RPTOR: variants seen among roughly 807,000 people sequenced by gnomAD.
RPTOR encodes regulatory associated protein of MTOR complex 1.
In RPTOR, 21 loss-of-function variants were observed where a neutral mutation model predicts 169.9. The observed-to-expected ratio is 0.12, with a 90% CI of 0.09 to 0.18. The LOEUF (loss-of-function observed/expected upper bound fraction) is 0.18. RPTOR is among the 10% of genes least tolerant of loss of function. The pLI is 1.00. For synonymous variants in RPTOR, 732 were observed against 753.2 expected (o/e 0.97, Z 0.46); for missense variants, 1,133 against 1,855.9 (o/e 0.61, Z 7.16).
At chr17:80,564,251 A>G (rs1486230996) in intron 1 of RPTOR, among the ~76,000 whole-genome samples, 3 of 151,894 alleles carry the variant, frequency 2.0e-5, no homozygotes, top group African/African-American at 7.3e-5. Flanking sequence ...TTTAGTAGAG[A>G]TGGGGTTTTA....
chr17:80,821,811 A>G (rs1474120760), intron 7 of RPTOR, among the ~76,000 whole-genome samples: 1 of 152,192 alleles, frequency 6.6e-6, no homozygotes, highest in Non-Finnish European at 1.5e-5. Context: ...GTGTACTTCC[A>G]CAGCGTTCGG....
chr17:80,627,915 C>G (rs544519303), intron 2 of RPTOR, among the ~76,000 whole-genome samples: 8 of 151,700 alleles, frequency 5.3e-5, no homozygotes, highest in Non-Finnish European at 1.2e-4. Context: ...CTTGGCTCAC[C>G]ACAACCTCTG....
intron 1 of RPTOR, among the ~76,000 whole-genome samples, chr17:80,608,041 GC>G (rs1274717332): frequency 1.3e-4 from 20 of 152,268 alleles, no homozygotes; most frequent in Middle Eastern, 6.8e-3. Flanking sequence ...ACGGTGTATT[GC>G]TAATGTTGGG....
At chr17:80,567,739 C>T (rs1486616587) in intron 1 of RPTOR, among the ~76,000 whole-genome samples, 1 of 151,100 alleles carries the variant, frequency 6.6e-6, no homozygotes, top group Non-Finnish European at 1.5e-5. Context: ...TTGCAGCGAG[C>T]CGAGATCGCG....
chr17:80,869,267 C>A (rs148598864), intron 13 of RPTOR, among the ~76,000 whole-genome samples: 1 of 152,140 alleles, frequency 6.6e-6, no homozygotes, highest in African/African-American at 2.4e-5. Flanking sequence ...TCAAGCGATT[C>A]TCCTGCCTCC....
intron 24 of RPTOR, among the ~76,000 whole-genome samples, chr17:80,935,093 C>T (rs1450027645): frequency 6.6e-6 from 1 of 151,110 alleles, no homozygotes; most frequent in African/African-American, 2.4e-5. Flanking sequence ...TGAAATTTAA[C>T]ATCAGTACCA....
intron 1 of RPTOR, among the ~76,000 whole-genome samples, chr17:80,560,719 G>T (rs560159670): frequency 1.7e-4 from 26 of 152,266 alleles, no homozygotes; most frequent in African/African-American, 5.5e-4. Context: ...ATGCCCACCC[G>T]GTGCTCTGTG....
chr17:80,677,886 T>C (rs2065871800), intron 3 of RPTOR, among the ~76,000 whole-genome samples: 1 of 152,222 alleles, frequency 6.6e-6, no homozygotes, highest in Non-Finnish European at 1.5e-5. Flanking sequence ...AGGATTGATA[T>C]CAGTATTGCT....
At position 80,745,575 on chromosome 17, in the gene RPTOR, G is replaced by C. The variant is rs532289241; in HGVS notation, c.655-8435G>C. 3.9e-5 allele frequency among the ~76,000 whole-genome samples: 6 copies of C among 152,306 alleles called. No homozygotes were observed. The South Asian group carries it at 1.2e-3, about 32-fold the overall frequency. ...GTACACTGTGTGTCACATGATAGATGCCACATTAATATCTTTGACTATTAA... is the reference window on the plus strand; with the variant it reads ...GTACACTGTGTGTCACATGATAGATCCCACATTAATATCTTTGACTATTAA... On this transcript the variant is annotated intron_variant, in intron 5 of 33. Coordinates refer to ENST00000306801, the MANE Select transcript of RPTOR (RefSeq NM_020761.3).
Position 80,885,067 on chromosome 17 carries a change from G to A in RPTOR, c.1902G>A (p.Thr634=), listed in dbSNP as rs754065670. The change falls in exon 17 of 34, where the codon ACG becomes ACA. Residue 634 remains threonine, a synonymous_variant. Transcript: ENST00000306801. ...TCGTGGGCAACTCTGCAGAGAGGAC[G>A]GACCACTCCACCACCATCGACCACA... ...GTFVGNSAER[T]DHSTTIDHNV... 28 of 1,606,872 alleles carry A rather than the reference G, an allele frequency of 1.7e-5. No homozygotes were observed. Among genetic ancestry groups the A allele is most frequent in the Non-Finnish European group, 2.2e-5 (26 of 1,177,552 alleles).
At chr17:80,790,691 G>A (rs780710754) in intron 6 of RPTOR, among the ~76,000 whole-genome samples, 2 of 152,172 alleles carry the variant, frequency 1.3e-5, no homozygotes, top group South Asian at 2.1e-4. Flanking sequence ...AACAGTCCGC[G>A]AGTGTGTTTT....
At chr17:80,647,777 C>G (rs1002988916) in intron 3 of RPTOR, among the ~76,000 whole-genome samples, 2 of 152,140 alleles carry the variant, frequency 1.3e-5, no homozygotes, top group Non-Finnish European at 2.9e-5. Context: ...TCATTCTCAT[C>G]TTGTCCAGGT....
chr17:80,869,230 G>A (rs890195918), intron 13 of RPTOR, among the ~76,000 whole-genome samples: 3 of 152,144 alleles, frequency 2.0e-5, no homozygotes, highest in Admixed American at 6.5e-5. Flanking sequence ...GGCGATCTTG[G>A]TTCACTGCAA....
intron 7 of RPTOR, among the ~76,000 whole-genome samples, chr17:80,812,812 T>C (rs1398854737): frequency 6.6e-6 from 1 of 152,290 alleles, no homozygotes; most frequent in South Asian, 2.1e-4. Flanking sequence ...GCCCGTGCTG[T>C]TCTCAAAACC....
rs567543938 is a variant in RPTOR, at chr17:80,562,505, C to A, written c.162+16714C>A. The stretch of plus-strand genomic sequence containing the variant: ...TCCTTAAAAGTAGATCAGACAAGGC[C>A]GGGAGCAGTGGCTCATGCGTGTAAT... On this transcript the variant is annotated intron_variant, in intron 1 of 33. Coordinates refer to ENST00000306801, the MANE Select transcript of RPTOR (RefSeq NM_020761.3). The surrounding 1 kb of genome is among the most constrained non-coding windows in gnomAD (Gnocchi z 4.4). Among the ~76,000 whole-genome samples, 1 of 152,132 alleles carries A rather than the reference C, an allele frequency of 6.6e-6. No individual in the cohort carries two copies. The highest frequency in any genetic ancestry group is 2.4e-5 in the African/African-American group (1 of 41,426).
At chr17:80,743,507 T>G in intron 5 of RPTOR, 16 of 949,020 alleles carry the variant, frequency 1.7e-5, no homozygotes, top group Non-Finnish European at 2.0e-5. Flanking sequence ...GCGTTCGGAG[T>G]GCTGGGCATT....
rs1363892718 is a variant in RPTOR, at chr17:80,708,480, G to A, written c.507+481G>A. ...AGAATCACCAGCCTTTTGCAATTCC[G>A]TTGCCCAGGACCAGATGAAGTGCTT... is the stretch of plus-strand genomic sequence containing the variant. On this transcript the variant is annotated intron_variant, in intron 4 of 33. Transcript: ENST00000306801. The surrounding 1 kb of genome is among the most constrained non-coding windows in gnomAD (Gnocchi z 4.2). Among the ~76,000 whole-genome samples, 5 of 152,162 alleles carry A rather than the reference G, an allele frequency of 3.3e-5. No homozygotes were observed. Among genetic ancestry groups the A allele is most frequent in the African/African-American group, 4.8e-5 (2 of 41,426 alleles).
At position 80,633,282 on chromosome 17, in the gene RPTOR, G is replaced by A. The variant is rs1019315094; in HGVS notation, c.265+7489G>A. 1.3e-5 allele frequency among the ~76,000 whole-genome samples: 2 copies of A among 152,214 alleles called. No individual in the cohort carries two copies. The highest frequency in any genetic ancestry group is 2.9e-5 in the Non-Finnish European group (2 of 68,046). On this transcript the variant is annotated intron_variant, in intron 2 of 33. Coordinates refer to ENST00000306801, the MANE Select transcript of RPTOR (RefSeq NM_020761.3). This position sits in a 1 kb window ranked among gnomAD's most constrained non-coding sequence, Gnocchi z 4.1. ...ACAACGCAGTCACCAAAATCAAGGA[G>A]CATTCGCGTGGACGTGTGACTGCCA...
At chr17:80,805,936 C>T (rs1223965287) in intron 7 of RPTOR, among the ~76,000 whole-genome samples, 3 of 152,094 alleles carry the variant, frequency 2.0e-5, no homozygotes, top group Non-Finnish European at 2.9e-5. Flanking sequence ...AACTTCCTCC[C>T]GAGTTCAACC....
Sources: gnomAD v4.1 joint callset for allele counts (sites outside exome capture counted in the v4.1 genomes callset) on GRCh38, gnomAD v4.1.1 for gene constraint, Gnocchi (gnomAD v3.1) non-coding constraint, MANE v1.5 for transcripts, NCBI Gene and HGNC (gene_info 2026-07-23, HGNC 2026-07-21) for gene names.